Variants in BRD9 observed in about 807,000 individuals in gnomAD.
BRD9 encodes bromodomain containing 9, also known as bromodomain-containing protein 9.
A neutral mutation model predicts 68.7 loss-of-function variants in BRD9; 47 were observed. The ratio of observed to expected loss-of-function variants is 0.68; its 90% CI spans 0.54 to 0.87. BRD9 has a LOEUF of 0.87. BRD9 is among the 40% of genes least tolerant of loss of function. The pLI is 0.00. For missense variants in BRD9, 670 were observed against 748.4 expected, an observed-to-expected ratio of 0.90 and a Z score of 1.22; for synonymous variants, 313 against 293.9, an observed-to-expected ratio of 1.06 and a Z score of -0.67.
chr5:884,083 G>T lies in BRD9; in HGVS notation c.834-13C>A. On this transcript the variant is annotated splice_polypyrimidine_tract_variant and intron_variant, in intron 7 of 15. Coordinates refer to ENST00000467963, the MANE Select transcript of BRD9 (RefSeq NM_023924.5). ...CTCAAACATGCAGCTGTGAGGTGGG[G>T]ACAACCAAGTCACCTGGAGGCAGCG... 6.2e-7 allele frequency: 1 copy of T among 1,611,088 alleles called. No individual in the cohort carries two copies.
rs780019591 is a variant in BRD9, at chr5:889,011, A to G, written c.606+10T>C. 1 of 1,603,400 alleles carries G rather than the reference A, an allele frequency of 6.2e-7. No individual in the cohort carries two copies. The highest frequency in any genetic ancestry group is 8.5e-7 in the Non-Finnish European group (1 of 1,175,888). ...TGCCACGATTACTTCGGGCAATGAA[A>G]GTAACTTACCTTAAATTCCGTAACT... On this transcript the variant is annotated intron_variant, in intron 5 of 15. Coordinates refer to ENST00000467963, the MANE Select transcript of BRD9 (RefSeq NM_023924.5).
intron 3 of BRD9, chr5:890,106 G>A (rs570176894): frequency 5.4e-5 from 17 of 316,068 alleles, no homozygotes; most frequent in Middle Eastern, 1.2e-3. Flanking sequence ...TGAGGTGGGA[G>A]GATCGCTTGA....
At chr5:881,520 A>G in intron 8 of BRD9, 1 of 381,170 alleles carries the variant, frequency 2.6e-6, no homozygotes, top group Non-Finnish European at 4.9e-6. Context: ...CCCTGACGGC[A>G]GGCGGCTCCA....
intron 14 of BRD9, 36 bp from the exon 15 acceptor site, chr5:865,617 C>T (rs1365748778): frequency 6.4e-7 from 1 of 1,557,436 alleles, no homozygotes; most frequent in African/African-American, 1.4e-5. Flanking sequence ...GTCGGCTGAG[C>T]TCAGCCGGCC....
At chr5:865,152 C>T (rs544982548) in intron 15 of BRD9, among the ~76,000 whole-genome samples, 19 of 152,228 alleles carry the variant, frequency 1.2e-4, no homozygotes, top group Non-Finnish European at 2.6e-4. Context: ...ACAGAGGGCA[C>T]AGGGGTGGAC....
chr5:878,270 C>T (rs552802472), intron 11 of BRD9, 85 bp downstream of exon 11: 41 of 1,568,588 alleles, frequency 2.6e-5, no homozygotes, highest in South Asian at 5.6e-5. Flanking sequence ...TCTCCCCACC[C>T]GCACACATGT....
In BRD9 at chr5:873,858, G is replaced by A. The variant is rs946356679; in HGVS notation, c.1383+2243C>T. On this transcript the variant is annotated intron_variant, in intron 12 of 15. Coordinates refer to ENST00000467963, the MANE Select transcript of BRD9 (RefSeq NM_023924.5). ...GCCTGGGAAGGACAGAGACTCATCCGAACTCCACCCACAGCAGAGACCACG... is the reference window on the plus strand; with the variant it reads ...GCCTGGGAAGGACAGAGACTCATCCAAACTCCACCCACAGCAGAGACCACG... Among the ~76,000 whole-genome samples, 21 of 152,168 alleles carry A rather than the reference G, an allele frequency of 1.4e-4. 1 individual carries two copies. Among genetic ancestry groups the A allele is most frequent in the African/African-American group, 1.9e-4 (8 of 41,422 alleles).
intron 14 of BRD9, among the ~76,000 whole-genome samples, chr5:867,376 G>C (rs547830396): frequency 6.3e-4 from 96 of 152,358 alleles, no homozygotes; most frequent in African/African-American, 2.2e-3. Flanking sequence ...ACCCCACACA[G>C]AGTACCCACT....
chr5:888,876 T>A, intron 5 of BRD9, 145 bp downstream of exon 5: 1 of 828,696 alleles, frequency 1.2e-6, no homozygotes, highest in Non-Finnish European at 1.8e-6. Context: ...ATTTCCTTAA[T>A]GCTGTGTCTG....
At chr5:874,493 T>A (rs1049284561) in intron 12 of BRD9, among the ~76,000 whole-genome samples, 7 of 152,214 alleles carry the variant, frequency 4.6e-5, no homozygotes, top group Non-Finnish European at 7.3e-5. Context: ...ATGTGGCCAG[T>A]GCTTTTTTAT....
chr5:866,788 C>T (rs1156670931), intron 14 of BRD9, among the ~76,000 whole-genome samples: 1 of 152,134 alleles, frequency 6.6e-6, no homozygotes, highest in African/African-American at 2.4e-5. Flanking sequence ...CTTCTAAAAG[C>T]CTATGCTCAC....
intron 5 of BRD9, 87 bp downstream of exon 5, chr5:888,934 G>A (rs1045808148): frequency 1.4e-6 from 2 of 1,391,400 alleles, no homozygotes; most frequent in Admixed American, 2.5e-5. Context: ...TCAAAAACTA[G>A]AAATGATCTA....
At chr5:885,563 C>G (rs144511329) in intron 7 of BRD9, among the ~76,000 whole-genome samples, 5 of 152,246 alleles carry the variant, frequency 3.3e-5, no homozygotes, top group Non-Finnish European at 5.9e-5. Context: ...CAAGATGGCA[C>G]AAAAGCAATA....
Position 892,443 on chromosome 5 carries a change from G to A in BRD9, c.52+163C>T, listed in dbSNP as rs1434249426. ...TACCCAGGACCCCTCACGTGTGCCC[G>A]GTTCCCTGCCCGAAATCCCAGGACC... On this transcript the variant is annotated intron_variant, in intron 1 of 15. Coordinates refer to ENST00000467963, the MANE Select transcript of BRD9 (RefSeq NM_023924.5). 2.9e-6 allele frequency: 4 copies of A among 1,401,152 alleles called. No homozygotes were observed. The East Asian group carries it at 1.2e-4, about 42-fold the overall frequency. 86.8% of individuals were successfully genotyped at this position (1,401,152 alleles called of 1,614,324 possible).
intron 2 of BRD9, 26 bp from the exon 3 acceptor site, chr5:891,313 G>A: frequency 6.5e-7 from 1 of 1,548,954 alleles, no homozygotes; most frequent in Non-Finnish European, 8.7e-7. Context: ...AAGGGAGTGA[G>A]AAAGGCAGGA....
chr5:869,358 C>T (rs1164505690), intron 14 of BRD9: 2 of 456,026 alleles, frequency 4.4e-6, no homozygotes, highest in African/African-American at 2.0e-5. Flanking sequence ...AATTCCGATC[C>T]GACTTTAGTA....
At chr5:890,358 T>C (rs532784219) in intron 3 of BRD9, among the ~76,000 whole-genome samples, 1 of 152,252 alleles carries the variant, frequency 6.6e-6, no homozygotes, top group Non-Finnish European at 1.5e-5. Flanking sequence ...TGATGTCCCA[T>C]GTCCCAAAGC....
chr5:865,104 A>G (rs1459057200), intron 15 of BRD9, among the ~76,000 whole-genome samples: 1 of 152,190 alleles, frequency 6.6e-6, no homozygotes, highest in Non-Finnish European at 1.5e-5. Flanking sequence ...CAAGGAAGCC[A>G]TGCTCTCTCC....
intron 5 of BRD9, 108 bp from the exon 6 acceptor site, chr5:887,579 A>G: frequency 1.2e-6 from 1 of 846,490 alleles, no homozygotes; most frequent in Non-Finnish European, 1.9e-6. Context: ...ATCGAGTAGA[A>G]AACAATTCAA....
Sources: allele counts gnomAD v4.1 joint callset (sites outside exome capture counted in the v4.1 genomes callset), GRCh38; gene constraint gnomAD v4.1.1; transcripts MANE v1.5; gene names NCBI Gene and HGNC (gene_info 2026-07-23, HGNC 2026-07-21).